The following PRAP1 variants were observed in gnomAD, a reference collection of about 807,000 sequenced individuals.
PRAP1 encodes proline rich acidic protein 1.
Under a neutral mutation model 14.6 loss-of-function variants are expected in PRAP1, and 12 were observed. That is an observed-to-expected ratio of 0.82 (90% CI 0.53 to 1.33). The LOEUF (loss-of-function observed/expected upper bound fraction) is 1.33. PRAP1 is among the 40% of genes most tolerant of loss of function. The pLI, the probability that PRAP1 is intolerant of heterozygous loss-of-function variation, is 0.00. For missense variants in PRAP1, 160 were observed against 193.7 expected, an observed-to-expected ratio of 0.83 and a Z score of 1.03; for synonymous variants, 81 against 80.3, an observed-to-expected ratio of 1.01 and a Z score of -0.04.
chr10:133,351,880 G>C lies in PRAP1; in HGVS notation c.129-127G>C. ...CCACTCATCACTGGCTCTTGAGAGA[G>C]AGGCTTGTCCTGGGGCTGCTGGTGG... On this transcript the variant is annotated intron_variant, in intron 3 of 4. Coordinates refer to ENST00000433452, the MANE Select transcript of PRAP1 (RefSeq NM_145202.5). The surrounding 1 kb of genome is among the most constrained non-coding windows in gnomAD (Gnocchi z 4.3). 1.6e-6 allele frequency: 2 copies of C among 1,266,814 alleles called. No individual in the cohort carries two copies. The highest frequency in any genetic ancestry group is 1.1e-6 in the Non-Finnish European group (1 of 921,460). 78.5% of individuals were successfully genotyped at this position (1,266,814 alleles called of 1,614,324 possible).
intron 2 of PRAP1, 99 bp downstream of exon 2, chr10:133,350,260 A>G: frequency 9.2e-7 from 1 of 1,085,086 alleles, no homozygotes; most frequent in South Asian, 1.4e-5. Context: ...CTGGCTTCAA[A>G]CCCCAAGCTG....
chr10:133,349,819 G>T (rs1341610039), intron 1 of PRAP1, among the ~76,000 whole-genome samples: 1 of 152,222 alleles, frequency 6.6e-6, no homozygotes, highest in African/African-American at 2.4e-5. Context: ...AACCACCAGT[G>T]CCTGCCACAG....
Position 133,352,302 on chromosome 10 carries a change from G to A in PRAP1, c.318G>A (p.Glu106=), listed in dbSNP as rs531076309. 1.5e-5 allele frequency: 24 copies of A among 1,613,096 alleles called. No individual in the cohort carries two copies. The South Asian group carries it at 2.3e-4, about 15-fold the overall frequency. Residue 106 remains glutamate, a synonymous_variant, in exon 5 of 5, where the codon GAG becomes GAA. Coordinates refer to ENST00000433452, the MANE Select transcript of PRAP1 (RefSeq NM_145202.5). ...CCCTGGGCCATGTCCTGAGTCCCGA[G>A]CCCGACCATGACAGCCTGTACCACC... ...EDTLGHVLSP[E]PDHDSLYHPP... is the part of the protein sequence containing the mutation.
rs955539729 is a variant in PRAP1, at chr10:133,347,836, C to T, written c.8+411C>T. 4.6e-5 allele frequency among the ~76,000 whole-genome samples: 7 copies of T among 152,262 alleles called. No homozygotes were observed. The highest frequency in any genetic ancestry group is 4.6e-4 in the Admixed American group (7 of 15,296). On this transcript the variant is annotated intron_variant, in intron 1 of 4. Transcript: ENST00000433452. This position sits in a 1 kb window ranked among gnomAD's most constrained non-coding sequence, Gnocchi z 5.0. Reference sequence around the variant, plus strand: ...GTGATCTGGAGCTCAGGGAAGCACCCGGGCTCCCGCTGGACCCTGGAATCA... The same window carrying T: ...GTGATCTGGAGCTCAGGGAAGCACCTGGGCTCCCGCTGGACCCTGGAATCA...
chr10:133,348,504 T>G (rs576506605), intron 1 of PRAP1, among the ~76,000 whole-genome samples: 1 of 148,656 alleles, frequency 6.7e-6, no homozygotes, highest in Non-Finnish European at 1.5e-5. Flanking sequence ...CACCCCCAGC[T>G]AAGTTTTGTT....
chr10:133,352,058 G>A lies in PRAP1; in HGVS notation c.180G>A (p.Val60=), dbSNP rs753787148. 10 of 1,613,030 alleles carry A rather than the reference G, an allele frequency of 6.2e-6. No homozygotes were observed. In the South Asian group the frequency reaches 9.9e-5, roughly 16 times the overall value. ...VEPPEKDDQL[V]VLFPVQKPKL... is the part of the protein sequence containing the mutation. ...CTCCGGAGAAGGACGACCAGCTGGT[G>A]GTGCTGTTCCCTGTCCAGAAGCCGA... is the stretch of plus-strand genomic sequence containing the variant. The change falls in exon 4 of 5, where the codon GTG becomes GTA. Residue 60 remains valine (V), a synonymous_variant. Transcript: ENST00000433452.
intron 1 of PRAP1, among the ~76,000 whole-genome samples, chr10:133,348,670 C>G (rs941893266): frequency 2.9e-5 from 4 of 139,662 alleles, no homozygotes; most frequent in South Asian, 2.5e-4. Flanking sequence ...CCTGCCACCA[C>G]GCCTGGCTAA....
intron 1 of PRAP1, 133 bp from the exon 2 acceptor site, chr10:133,349,962 C>A: frequency 1.4e-6 from 1 of 714,210 alleles, no homozygotes; most frequent in Non-Finnish European, 2.4e-6. Flanking sequence ...CATGTGAGCA[C>A]AGTCCAGTAA....
intron 1 of PRAP1, among the ~76,000 whole-genome samples, chr10:133,348,643 A>G (rs2133400606): frequency 6.7e-6 from 1 of 150,340 alleles, no homozygotes; most frequent in Admixed American, 6.6e-5. Context: ...CCTCCCAAGT[A>G]GCTGGGATTA....
chr10:133,348,503 C>A (rs1331297386), intron 1 of PRAP1, among the ~76,000 whole-genome samples: 1 of 149,308 alleles, frequency 6.7e-6, no homozygotes, highest in Non-Finnish European at 1.5e-5. Context: ...CCACCCCCAG[C>A]TAAGTTTTGT....
rs1205928429 is a variant in PRAP1 at position 133,351,063 on chromosome 10, C to T, written c.76-318C>T. The stretch of plus-strand genomic sequence containing the variant: ...CAGAAAACAGCCAGTGCATTGACGG[C>T]CAGGGTTGGGAGTGCTAGGTCAGGG... On this transcript the variant is annotated intron_variant, in intron 2 of 4. Coordinates refer to ENST00000433452, the MANE Select transcript of PRAP1 (RefSeq NM_145202.5). The surrounding 1 kb of genome is among the most constrained non-coding windows in gnomAD (Gnocchi z 4.3). Among the ~76,000 whole-genome samples, 1 of 152,202 alleles carries T rather than the reference C, an allele frequency of 6.6e-6. No homozygotes were observed. The highest frequency in any genetic ancestry group is 2.4e-5 in the African/African-American group (1 of 41,436).
rs879186252 is a variant in PRAP1 at position 133,347,554 on chromosome 10, G to A, written c.8+129G>A. 1.1e-6 allele frequency: 1 copy of A among 939,768 alleles called. No individual in the cohort carries two copies. Among genetic ancestry groups the A allele is most frequent in the South Asian group, 1.7e-5 (1 of 57,332 alleles). 58.2% of individuals were successfully genotyped at this position (939,768 alleles called of 1,614,324 possible). On this transcript the variant is annotated intron_variant, in intron 1 of 4. Coordinates refer to ENST00000433452, the MANE Select transcript of PRAP1 (RefSeq NM_145202.5). This position sits in a 1 kb window ranked among gnomAD's most constrained non-coding sequence, Gnocchi z 5.0. ...TTCAGGGGAGTGTGCGGGTGGGAGG[G>A]AGAAGGAGGGGCCCTCTGAGGGTCT...
At position 133,351,444 on chromosome 10, in the gene PRAP1, C is replaced by G. The variant is rs762453398; in HGVS notation, c.128+11C>G. The G allele has an allele frequency of 6.3e-7, 1 of 1,594,508 alleles. No homozygotes were observed. Among genetic ancestry groups the G allele is most frequent in the South Asian group, 1.1e-5 (1 of 88,508 alleles). The stretch of plus-strand genomic sequence containing the variant: ...GCAGGACCCAGAGAAGTAAGTCCCC[C>G]CAACCCCACCTCCCCACCACCCATT... On this transcript the variant is annotated intron_variant, in intron 3 of 4. Transcript: ENST00000433452. This position sits in a 1 kb window ranked among gnomAD's most constrained non-coding sequence, Gnocchi z 4.3.
chr10:133,351,503 C>T lies in PRAP1; in HGVS notation c.128+70C>T. The T allele has an allele frequency of 7.9e-7, 1 of 1,271,506 alleles. No individual in the cohort carries two copies. Among genetic ancestry groups the T allele is most frequent in the Non-Finnish European group, 1.1e-6 (1 of 896,016 alleles). 78.8% of individuals were successfully genotyped at this position (1,271,506 alleles called of 1,614,324 possible). A position where few individuals can be genotyped will look rare whatever the true frequency, so the allele number is the denominator to read the frequency against. Reference sequence around the variant, plus strand: ...CTACAGCCCGTTCTGCTGGGCCCTTCCTGAACCTGGAGAGCACGGGGCAGA... The same window carrying T: ...CTACAGCCCGTTCTGCTGGGCCCTTTCTGAACCTGGAGAGCACGGGGCAGA... On this transcript the variant is annotated intron_variant, in intron 3 of 4. Transcript: ENST00000433452. The surrounding 1 kb of genome is among the most constrained non-coding windows in gnomAD (Gnocchi z 4.3).
chr10:133,352,257 C>G lies in PRAP1; in HGVS notation c.273C>G (p.Ala91=). 6.2e-7 allele frequency: 1 copy of G among 1,613,042 alleles called. No individual in the cohort carries two copies. The highest frequency in any genetic ancestry group is 8.5e-7 in the Non-Finnish European group (1 of 1,179,926). The change falls in exon 5 of 5, where the codon GCC becomes GCG. Residue 91 remains alanine, a synonymous_variant. Transcript: ENST00000433452. The stretch of plus-strand genomic sequence containing the variant: ...TGTGCTTGTCCCTAGGCACCAAGGC[C>G]TGGATGGAGACCGAGGACACCCTGG... ...GRGPILPGTK[A]WMETEDTLGH...
chr10:133,348,889 G>C (rs1434592268), intron 1 of PRAP1, among the ~76,000 whole-genome samples: 2 of 151,638 alleles, frequency 1.3e-5, no homozygotes, highest in Non-Finnish European at 2.9e-5. Flanking sequence ...TCAAACTCCT[G>C]ACCTCAGGTG....
chr10:133,347,923 C>T lies in PRAP1; in HGVS notation c.8+498C>T, dbSNP rs528687663. ...CCCTCCTTGTGTGGGGGACCCCTCT[C>T]CCCGCTCCTGTGGAGGTGCCCTCCT... On this transcript the variant is annotated intron_variant, in intron 1 of 4. Coordinates refer to ENST00000433452, the MANE Select transcript of PRAP1 (RefSeq NM_145202.5). The surrounding 1 kb of genome is among the most constrained non-coding windows in gnomAD (Gnocchi z 5.0). 6.6e-6 allele frequency among the ~76,000 whole-genome samples: 1 copy of T among 152,262 alleles called. No individual in the cohort carries two copies.
Position 133,352,442 on chromosome 10 carries a change from G to T in PRAP1, c.*2G>T, listed in dbSNP as rs1848697222. 3 of 1,611,516 alleles carry T rather than the reference G, an allele frequency of 1.9e-6. No individual in the cohort carries two copies. The highest frequency in any genetic ancestry group is 1.3e-5 in the African/African-American group (1 of 74,902). On this transcript the variant is annotated 3_prime_UTR_variant, in exon 5 of 5. Transcript: ENST00000433452. Reference sequence around the variant, plus strand: ...GACCACATCTACCACCCCCAGTAGGGCTCCAGGGGCCATCACTGCCCCCGC... The same window carrying T: ...GACCACATCTACCACCCCCAGTAGGTCTCCAGGGGCCATCACTGCCCCCGC...
chr10:133,349,035 C>T lies in PRAP1; in HGVS notation c.9-1060C>T, dbSNP rs562190182. 5.9e-5 allele frequency among the ~76,000 whole-genome samples: 9 copies of T among 151,662 alleles called. No individual in the cohort carries two copies. The South Asian group carries it at 1.9e-3, about 32-fold the overall frequency. On this transcript the variant is annotated intron_variant, in intron 1 of 4. Coordinates refer to ENST00000433452, the MANE Select transcript of PRAP1 (RefSeq NM_145202.5). ...CCGCCCCACCCCAAGACCACCCCAC[C>T]CTGACAGACGCAAGCCTCCCCCGCA...
Sources: gnomAD v4.1 joint callset for allele counts (sites outside exome capture counted in the v4.1 genomes callset) on GRCh38, gnomAD v4.1.1 for gene constraint, Gnocchi (gnomAD v3.1) non-coding constraint, MANE v1.5 for transcripts, NCBI Gene and HGNC (gene_info 2026-07-23, HGNC 2026-07-21) for gene names.